The following GPC6 variants were observed in gnomAD, a reference collection of about 807,000 sequenced individuals.
GPC6 encodes glypican 6, also known as glypican-6.
A neutral mutation model predicts 55.2 loss-of-function variants in GPC6; 14 were observed. That is an observed-to-expected ratio of 0.25 (90% CI 0.17 to 0.40). GPC6 has a LOEUF of 0.40. Among genes scored for constraint, GPC6 ranks in the 10% least tolerant of loss-of-function variants. GPC6 has a pLI of 1.00. For missense variants in GPC6, 641 were observed against 708.5 expected (o/e 0.90, Z 1.08); for synonymous variants, 278 against 259.6 (o/e 1.07, Z -0.68).
intron 3 of GPC6, among the ~76,000 whole-genome samples, chr13:93,969,772 C>A (rs1880203598): frequency 6.6e-6 from 1 of 152,190 alleles, no homozygotes; most frequent in Non-Finnish European, 1.5e-5. Flanking sequence ...TACTCTCTAT[C>A]CTCATGAGAT....
rs148849187 is a variant in GPC6 at position 94,403,064 on chromosome 13, G to A, written c.1515G>A (p.Val505=). The change falls in exon 9 of 9, where the codon GTG becomes GTA. Residue 505 remains valine (V), a synonymous_variant. Coordinates refer to ENST00000377047, the MANE Select transcript of GPC6 (RefSeq NM_005708.5). ...SGSGSGCMDD[V]CPTEFEFVTT... ...GTGGCAGTGGGTGCATGGATGACGTGTGTCCCACGGAGTTTGAGTTTGTCA... is the reference window on the plus strand; with the variant it reads ...GTGGCAGTGGGTGCATGGATGACGTATGTCCCACGGAGTTTGAGTTTGTCA... 3.1e-6 allele frequency: 5 copies of A among 1,613,882 alleles called. No individual in the cohort carries two copies. Among genetic ancestry groups the A allele is most frequent in the Non-Finnish European group, 3.4e-6 (4 of 1,179,728 alleles).
intron 2 of GPC6, among the ~76,000 whole-genome samples, chr13:93,730,570 G>T (rs1398679849): frequency 6.6e-6 from 1 of 152,096 alleles, no homozygotes; most frequent in East Asian, 1.9e-4. Context: ...TAACTAATTG[G>T]CCTAGACTGC....
At chr13:94,036,789 G>C (rs965482032) in intron 4 of GPC6, among the ~76,000 whole-genome samples, 4 of 82,946 alleles carry the variant, frequency 4.8e-5, no homozygotes, top group African/African-American at 1.2e-4. Flanking sequence ...GAAGAGATTA[G>C]TTATCTCATA....
intron 2 of GPC6, among the ~76,000 whole-genome samples, chr13:93,821,637 T>G (rs1179580234): frequency 6.6e-6 from 1 of 152,192 alleles, no homozygotes; most frequent in Non-Finnish European, 1.5e-5. Context: ...TTATTAGAAC[T>G]CCATTTTGGA....
At chr13:94,285,607 G>A (rs1892506923) in intron 4 of GPC6, among the ~76,000 whole-genome samples, 1 of 152,116 alleles carries the variant, frequency 6.6e-6, no homozygotes, top group Non-Finnish European at 1.5e-5. Flanking sequence ...ACCTTAAAAC[G>A]TGTCCTTTTT....
At chr13:94,133,501 T>G (rs1157019661) in intron 4 of GPC6, among the ~76,000 whole-genome samples, 1 of 152,074 alleles carries the variant, frequency 6.6e-6, no homozygotes, top group Non-Finnish European at 1.5e-5. Context: ...TGGCAGAACT[T>G]AATAACTGAA....
At chr13:94,061,111 A>G (rs1368363194) in intron 4 of GPC6, among the ~76,000 whole-genome samples, 1 of 152,224 alleles carries the variant, frequency 6.6e-6, no homozygotes, top group Non-Finnish European at 1.5e-5. Flanking sequence ...GAGCATATTT[A>G]TATTACTAGT....
intron 7 of GPC6, among the ~76,000 whole-genome samples, chr13:94,392,510 A>C (rs1880696435): frequency 6.9e-6 from 1 of 144,000 alleles, no homozygotes; most frequent in African/African-American, 2.6e-5. Flanking sequence ...GCTCACCACA[A>C]CCTCCGCATC....
intron 3 of GPC6, among the ~76,000 whole-genome samples, chr13:93,963,747 C>T (rs181798140): frequency 1.6e-4 from 24 of 152,246 alleles, no homozygotes; most frequent in Admixed American, 4.6e-4. Flanking sequence ...GTACACAATA[C>T]GTGAAAATAA....
intron 4 of GPC6, among the ~76,000 whole-genome samples, chr13:94,227,599 C>T (rs773890327): frequency 6.6e-6 from 1 of 152,054 alleles, no homozygotes; most frequent in Admixed American, 6.6e-5. Context: ...GTTTGTGTTC[C>T]CCACTCTATA....
chr13:94,211,907 G>A lies in GPC6; in HGVS notation c.878-74442G>A, dbSNP rs554422505. ...GGATGTGTAAGAAATTTATCAATAT[G>A]CTCTTTATATTTTACACCTAGGAGA... On this transcript the variant is annotated intron_variant, in intron 4 of 8. Transcript: ENST00000377047. 3.9e-5 allele frequency among the ~76,000 whole-genome samples: 6 copies of A among 152,290 alleles called. No individual in the cohort carries two copies. The East Asian group carries it at 1.2e-3, about 29-fold the overall frequency.
chr13:93,986,054 A>C (rs1881016539), intron 3 of GPC6, among the ~76,000 whole-genome samples: 1 of 152,138 alleles, frequency 6.6e-6, no homozygotes, highest in Non-Finnish European at 1.5e-5. Flanking sequence ...AGATCCTCAT[A>C]GGGTAAAGAC....
intron 3 of GPC6, among the ~76,000 whole-genome samples, chr13:93,993,601 T>C (rs1050951625): frequency 6.6e-6 from 1 of 152,106 alleles, no homozygotes; most frequent in Non-Finnish European, 1.5e-5. Flanking sequence ...CAGACTCTTA[T>C]TTTTTCAAAA....
At position 93,581,116 on chromosome 13, in the gene GPC6, C is replaced by T. The variant is rs74908189; in HGVS notation, c.319+35695C>T. 6.6e-5 allele frequency among the ~76,000 whole-genome samples: 10 copies of T among 152,180 alleles called. No homozygotes were observed. The East Asian group carries it at 1.7e-3, about 26-fold the overall frequency. On this transcript the variant is annotated intron_variant, in intron 2 of 8. Coordinates refer to ENST00000377047, the MANE Select transcript of GPC6 (RefSeq NM_005708.5). Reference sequence around the variant, plus strand: ...CTTCTAAAAGACATTTTGCAAGACACTAAAGGTCACTCATTGTAAAAACTA... The same window carrying T: ...CTTCTAAAAGACATTTTGCAAGACATTAAAGGTCACTCATTGTAAAAACTA...
At chr13:93,741,042 T>A (rs1002292317) in intron 2 of GPC6, among the ~76,000 whole-genome samples, 4 of 151,980 alleles carry the variant, frequency 2.6e-5, no homozygotes, top group African/African-American at 9.7e-5. Context: ...AACCAAATAA[T>A]GTACCTAATA....
At chr13:93,451,573 T>C (rs1237876501) in intron 1 of GPC6, among the ~76,000 whole-genome samples, 1 of 152,242 alleles carries the variant, frequency 6.6e-6, no homozygotes, top group African/African-American at 2.4e-5. Flanking sequence ...TTCATGTACA[T>C]GTTGTACATG....
chr13:94,136,519 G>A (rs1026988333), intron 4 of GPC6, among the ~76,000 whole-genome samples: 1 of 152,130 alleles, frequency 6.6e-6, no homozygotes, highest in Non-Finnish European at 1.5e-5. Flanking sequence ...GACCATCCTG[G>A]CTAACATGGT....
At chr13:93,869,254 A>C (rs1566578036) in intron 3 of GPC6, among the ~76,000 whole-genome samples, 1 of 151,838 alleles carries the variant, frequency 6.6e-6, no homozygotes, top group African/African-American at 2.4e-5. Context: ...TCAAATCAGT[A>C]TAGAACATTG....
At chr13:93,418,717 A>G (rs907852734) in intron 1 of GPC6, among the ~76,000 whole-genome samples, 4 of 151,442 alleles carry the variant, frequency 2.6e-5, no homozygotes, top group Non-Finnish European at 5.9e-5. Context: ...TGTTAATAGC[A>G]CTATACCGTA....
Sources: allele counts gnomAD v4.1 joint callset (sites outside exome capture counted in the v4.1 genomes callset), GRCh38; gene constraint gnomAD v4.1.1; transcripts MANE v1.5; gene names NCBI Gene and HGNC (gene_info 2026-07-23, HGNC 2026-07-21).